CACNG2: variants seen among roughly 807,000 people sequenced by gnomAD.
CACNG2 encodes the protein voltage-dependent calcium channel gamma-2 subunit.
Under a neutral mutation model 25.9 loss-of-function variants are expected in CACNG2, and 3 were observed. That is an observed-to-expected ratio of 0.12 (90% confidence interval 0.05 to 0.30). The LOEUF (loss-of-function observed/expected upper bound fraction) is 0.30, where lower values mean the gene tolerates loss of function less well. Ranked by LOEUF, CACNG2 falls within the 10% of genes least tolerant of loss-of-function variation. CACNG2 has a pLI of 1.00. For synonymous variants in CACNG2, 167 were observed against 173.3 expected (o/e 0.96, Z 0.29); for missense variants, 341 against 432.5 (o/e 0.79, Z 1.88).
chr22:36,680,459 CTTT>C (rs1233237212), intron 1 of CACNG2, among the ~76,000 whole-genome samples: 4 of 149,190 alleles, frequency 2.7e-5, no homozygotes, highest in African/African-American at 4.9e-5. Flanking sequence ...ACCATCACCA[CTTT>C]CATCACCACC....
chr22:36,566,344 G>A lies in CACNG2; in HGVS notation c.436+9C>T, dbSNP rs149483046. The A allele has an allele frequency of 2.4e-4, 386 of 1,613,964 alleles. 4 individuals are homozygous for A. In the East Asian group the frequency reaches 8.4e-3, roughly 35 times the overall value. ...TTCCCAGTGGCAGGACTGGATCAGT[G>A]GCTGTTACCTGCAGACACGAAGAAG... On this transcript the variant is annotated intron_variant, in intron 3 of 3. Transcript: ENST00000300105.
intron 1 of CACNG2, among the ~76,000 whole-genome samples, chr22:36,615,802 AG>A (rs977699385): frequency 5.3e-5 from 8 of 152,356 alleles, no homozygotes; most frequent in Middle Eastern, 3.4e-3. Flanking sequence ...TGCTTTCCAA[AG>A]AAATAATGTC....
At chr22:36,595,554 G>C (rs755842032) in intron 1 of CACNG2, among the ~76,000 whole-genome samples, 1 of 152,202 alleles carries the variant, frequency 6.6e-6, no homozygotes, top group Non-Finnish European at 1.5e-5. Context: ...TGACAAATTG[G>C]TGGGATTGGA....
chr22:36,671,342 G>T (rs1378085672), intron 1 of CACNG2, among the ~76,000 whole-genome samples: 1 of 152,186 alleles, frequency 6.6e-6, no homozygotes, highest in Non-Finnish European at 1.5e-5. Context: ...CTTGAAGCAG[G>T]CTGAAAAATA....
intron 1 of CACNG2, among the ~76,000 whole-genome samples, chr22:36,624,969 C>T (rs893994106): frequency 4.6e-5 from 6 of 130,394 alleles, no homozygotes; most frequent in African/African-American, 1.1e-4. Context: ...TGGAGGTTGC[C>T]GTGAGCCGAG....
intron 1 of CACNG2, among the ~76,000 whole-genome samples, chr22:36,599,642 G>A (rs1935725311): frequency 6.6e-6 from 1 of 152,180 alleles, no homozygotes; most frequent in African/African-American, 2.4e-5. Context: ...TGAGGCTGCA[G>A]TGAGCCATGA....
chr22:36,665,949 TA>T (rs1253950283), intron 1 of CACNG2, among the ~76,000 whole-genome samples: 1 of 152,216 alleles, frequency 6.6e-6, no homozygotes, highest in East Asian at 1.9e-4. Context: ...TCACAATAGC[TA>T]AAACCCAATA....
At position 36,560,899 on chromosome 22, in the gene CACNG2, C is replaced by G. The variant is rs1230664230; in HGVS notation, c.*3452G>C. On this transcript the variant is annotated 3_prime_UTR_variant, in exon 4 of 4. Transcript: ENST00000300105. ...AAAAAAAAAATCTTTATTTCATGTA[C>G]CAGGATTTTTTTTTTCAGTTTTCTG... 1 of 150,326 alleles carries G rather than the reference C, an allele frequency of 6.7e-6. No homozygotes were observed. The highest frequency in any genetic ancestry group is 1.5e-5 in the Non-Finnish European group (1 of 67,734). The allele number at this position is 150,326 out of a possible 1,614,324, so 9.3% of individuals were successfully genotyped here.
At chr22:36,582,981 C>CT (rs1569020125) in intron 2 of CACNG2, among the ~76,000 whole-genome samples, 2 of 151,952 alleles carry the variant, frequency 1.3e-5, no homozygotes, top group Non-Finnish European at 2.9e-5. Flanking sequence ...TTTCATGGAC[C>CT]TTGTGACTTC....
rs556139775 is a variant in CACNG2, at chr22:36,665,666, G to A, written c.211+36700C>T. On this transcript the variant is annotated intron_variant, in intron 1 of 3. Transcript: ENST00000300105. ...AGGAAAAGCAAGTCAAAACCACAGC[G>A]AGATACCACTTCACTCCCATGGGAT... 1.7e-3 allele frequency among the ~76,000 whole-genome samples: 252 copies of A among 152,204 alleles called. 2 individuals carry two copies. Among genetic ancestry groups the A allele is most frequent in the African/African-American group, 3.2e-3 (131 of 41,524 alleles).
At chr22:36,565,028 G>A (rs1603500176) in intron 3 of CACNG2, 142 bp from the exon 4 acceptor site, 1 of 707,654 alleles carries the variant, frequency 1.4e-6, no homozygotes, top group East Asian at 2.5e-5. Flanking sequence ...CAGGTGGGGC[G>A]GTGTAGATGG....
At chr22:36,585,922 T>C (rs73413793) in intron 2 of CACNG2, among the ~76,000 whole-genome samples, 8,980 of 152,324 alleles carry the variant, frequency 0.059, 880 homozygotes, top group African/African-American at 0.2. Flanking sequence ...AAAGCATTCA[T>C]TGAGCTGTTA....
At chr22:36,585,465 G>C (rs1293049306) in intron 2 of CACNG2, 1 of 152,134 alleles carries the variant, frequency 6.6e-6, no homozygotes, top group East Asian at 1.9e-4. Context: ...TTTGTTTTCC[G>C]GCCCAGGACT....
rs548948720 is a variant in CACNG2 at position 36,668,993 on chromosome 22, T to C, written c.211+33373A>G. ...TTGGTGAGGGCAGGCCTTCTTTTCT[T>C]AGCCTGCTGATTCAAATGCTAATGT... On this transcript the variant is annotated intron_variant, in intron 1 of 3. Transcript: ENST00000300105. 5.3e-5 allele frequency among the ~76,000 whole-genome samples: 8 copies of C among 152,306 alleles called. No homozygotes were observed. In the East Asian group the frequency reaches 1.5e-3, roughly 29 times the overall value.
chr22:36,652,703 A>AT (rs1241847090), intron 1 of CACNG2, among the ~76,000 whole-genome samples: 4 of 152,068 alleles, frequency 2.6e-5, no homozygotes, highest in Non-Finnish European at 5.9e-5. Flanking sequence ...CACCTATGAG[A>AT]TTTTTGCATC....
At position 36,657,271 on chromosome 22, in the gene CACNG2, A is replaced by G. The variant is rs372868724; in HGVS notation, c.211+45095T>C. Among the ~76,000 whole-genome samples, 10 of 152,326 alleles carry G rather than the reference A, an allele frequency of 6.6e-5. 1 individual carries two copies. Among genetic ancestry groups the G allele is most frequent in the South Asian group, 6.2e-4 (3 of 4,822 alleles). ...GGCTCTGGGCATGGAAGGATAACTG[A>G]ACAAAGAGAACTCAGGCATCCAAGG... On this transcript the variant is annotated intron_variant, in intron 1 of 3. Transcript: ENST00000300105.
intron 2 of CACNG2, among the ~76,000 whole-genome samples, chr22:36,579,768 C>A (rs966747055): frequency 6.6e-6 from 1 of 152,184 alleles, no homozygotes; most frequent in Non-Finnish European, 1.5e-5. Flanking sequence ...TTTGCACTGG[C>A]GGTTCCCTCT....
intron 1 of CACNG2, among the ~76,000 whole-genome samples, chr22:36,685,393 C>G (rs141644037): frequency 9.2e-5 from 14 of 152,290 alleles, no homozygotes; most frequent in African/African-American, 3.4e-4. Context: ...TGCTGAGCTT[C>G]TGCCCCCCGT....
chr22:36,696,217 C>T (rs1404181290), intron 1 of CACNG2, among the ~76,000 whole-genome samples: 1 of 152,114 alleles, frequency 6.6e-6, no homozygotes, highest in African/African-American at 2.4e-5. Flanking sequence ...ACCCCCGGCG[C>T]TTTCTTCTCA....
Sources: gnomAD v4.1 joint callset for allele counts (sites outside exome capture counted in the v4.1 genomes callset) on GRCh38, gnomAD v4.1.1 for gene constraint, MANE v1.5 for transcripts, NCBI Gene and HGNC (gene_info 2026-07-23, HGNC 2026-07-21) for gene names.